TEAD1: variants seen among roughly 807,000 people sequenced by gnomAD.
The protein encoded by TEAD1 is TEA domain transcription factor 1.
Under a neutral mutation model 54.9 loss-of-function variants are expected in TEAD1, and 9 were observed. The observed-to-expected ratio is 0.16, with a 90% CI of 0.10 to 0.29. TEAD1 has a LOEUF of 0.29. TEAD1 is among the 10% of genes least tolerant of loss of function. TEAD1 has a pLI of 1.00. For synonymous variants in TEAD1, 200 were observed against 187.8 expected (o/e 1.07, Z -0.53); for missense variants, 387 against 535.9 (o/e 0.72, Z 2.74).
chr11:12,722,328 A>G (rs1180587184), intron 2 of TEAD1, among the ~76,000 whole-genome samples: 4 of 152,192 alleles, frequency 2.6e-5, no homozygotes, highest in African/African-American at 9.7e-5. Context: ...GAAGAACGCA[A>G]GAGGGGAAGA....
At chr11:12,773,905 A>G (rs1945364521) in intron 3 of TEAD1, among the ~76,000 whole-genome samples, 1 of 152,156 alleles carries the variant, frequency 6.6e-6, no homozygotes, top group Admixed American at 6.6e-5. Flanking sequence ...GTCTTGTTCT[A>G]AGAGTTTATA....
At chr11:12,707,734 A>T (rs988510808) in intron 2 of TEAD1, among the ~76,000 whole-genome samples, 1 of 152,152 alleles carries the variant, frequency 6.6e-6, no homozygotes, top group Admixed American at 6.5e-5. Flanking sequence ...CTTTTTTTGG[A>T]AGGTCAGTAC....
chr11:12,830,521 A>G (rs1440271), intron 3 of TEAD1, among the ~76,000 whole-genome samples: 93,774 of 151,480 alleles, frequency 0.62, 29,313 homozygotes, highest in East Asian at 0.74. Context: ...GGCTCTCAGG[A>G]CCTCCTCTTG....
chr11:12,773,899 T>G (rs2133938556), intron 3 of TEAD1, among the ~76,000 whole-genome samples: 1 of 152,338 alleles, frequency 6.6e-6, no homozygotes, highest in East Asian at 1.9e-4. Flanking sequence ...TCCTGTGTCT[T>G]GTTCTAAGAG....
At chr11:12,759,721 G>A (rs1333568311) in intron 2 of TEAD1, among the ~76,000 whole-genome samples, 2 of 152,162 alleles carry the variant, frequency 1.3e-5, no homozygotes, top group East Asian at 1.9e-4. Context: ...AATTAGCTGA[G>A]CGTGGTGGTG....
chr11:12,743,713 G>C (rs745793566), intron 2 of TEAD1, among the ~76,000 whole-genome samples: 1 of 152,172 alleles, frequency 6.6e-6, no homozygotes, highest in East Asian at 1.9e-4. Flanking sequence ...AAAGTTGCCT[G>C]TATGACAAAT....
At chr11:12,819,788 C>A (rs1435521200) in intron 3 of TEAD1, among the ~76,000 whole-genome samples, 1 of 152,164 alleles carries the variant, frequency 6.6e-6, no homozygotes, top group African/African-American at 2.4e-5. Context: ...TTCTGTAATA[C>A]GTTGGCCAGT....
intron 11 of TEAD1, among the ~76,000 whole-genome samples, chr11:12,929,116 A>T (rs1948960992): frequency 6.9e-6 from 1 of 145,796 alleles, no homozygotes; most frequent in African/African-American, 2.5e-5. Flanking sequence ...AGCAAGTTGT[A>T]TTTTTCTGGG....
chr11:12,866,073 G>A (rs1384886981), intron 5 of TEAD1, among the ~76,000 whole-genome samples: 1 of 152,198 alleles, frequency 6.6e-6, no homozygotes, highest in Non-Finnish European at 1.5e-5. Context: ...TCTGCAGTGG[G>A]CAGCATGCTG....
intron 3 of TEAD1, among the ~76,000 whole-genome samples, chr11:12,821,961 CTTTTT>C (rs10700151): frequency 1.9e-4 from 13 of 68,068 alleles, no homozygotes; most frequent in East Asian, 4.9e-4. Flanking sequence ...TTCTCTTTTC[CTTTTT>C]TTTTTTTTTT....
chr11:12,886,862 C>T (rs576146660), intron 9 of TEAD1, among the ~76,000 whole-genome samples: 32 of 152,090 alleles, frequency 2.1e-4, no homozygotes, highest in East Asian at 9.7e-4. Context: ...AATAATAATA[C>T]CCCCTAATAG....
intron 10 of TEAD1, among the ~76,000 whole-genome samples, chr11:12,913,734 T>C (rs1948658786): frequency 6.6e-6 from 1 of 152,374 alleles, no homozygotes; most frequent in African/African-American, 2.4e-5. Context: ...TCATATGTAC[T>C]GAAAAAGTAT....
chr11:12,739,123 C>T (rs1412921267), intron 2 of TEAD1, among the ~76,000 whole-genome samples: 1 of 152,184 alleles, frequency 6.6e-6, no homozygotes, highest in Admixed American at 6.5e-5. Flanking sequence ...TGCTCCAGCA[C>T]TGAGAGTTAT....
chr11:12,918,162 G>A (rs2134152763), intron 10 of TEAD1, among the ~76,000 whole-genome samples: 1 of 152,158 alleles, frequency 6.6e-6, no homozygotes, highest in African/African-American at 2.4e-5. Flanking sequence ...CGTGTCAGTA[G>A]GGTAGATAAT....
chr11:12,821,478 A>T (rs1946544192), intron 3 of TEAD1, among the ~76,000 whole-genome samples: 1 of 152,206 alleles, frequency 6.6e-6, no homozygotes, highest in Non-Finnish European at 1.5e-5. Context: ...CATAATGTGG[A>T]CATGGAGAGT....
intron 3 of TEAD1, among the ~76,000 whole-genome samples, chr11:12,802,706 C>T (rs1176965022): frequency 2.6e-5 from 4 of 152,124 alleles, no homozygotes; most frequent in Non-Finnish European, 4.4e-5. Flanking sequence ...GTGGCCGACC[C>T]GACCGGGTCT....
At chr11:12,682,880 C>A (rs1393274371) in intron 2 of TEAD1, among the ~76,000 whole-genome samples, 1 of 152,164 alleles carries the variant, frequency 6.6e-6, no homozygotes, top group Non-Finnish European at 1.5e-5. Flanking sequence ...CAAGGTAACA[C>A]ATTTTTAACA....
At chr11:12,755,107 T>C (rs995989467) in intron 2 of TEAD1, among the ~76,000 whole-genome samples, 2 of 152,188 alleles carry the variant, frequency 1.3e-5, no homozygotes, top group African/African-American at 4.8e-5. Flanking sequence ...CTGTGTAACA[T>C]TGGGTGAGTC....
chr11:12,815,829 A>T (rs1052777420), intron 3 of TEAD1, among the ~76,000 whole-genome samples: 1 of 152,210 alleles, frequency 6.6e-6, no homozygotes, highest in Admixed American at 6.5e-5. Context: ...ACCAACACAT[A>T]TAAGTTGTTG....
Sources: allele counts gnomAD v4.1 joint callset (sites outside exome capture counted in the v4.1 genomes callset), GRCh38; gene constraint gnomAD v4.1.1; transcripts MANE v1.5; gene names NCBI Gene and HGNC (gene_info 2026-07-23, HGNC 2026-07-21).